Variants in LYPD6 observed in about 807,000 individuals in gnomAD.
LYPD6 encodes LY6/PLAUR domain containing 6, also known as ly6/PLAUR domain-containing protein 6.
Under a neutral mutation model 22.7 loss-of-function variants are expected in LYPD6, and 15 were observed. The observed-to-expected ratio is 0.66, with a 90% CI of 0.44 to 1.02. The LOEUF is 1.02. Ranked by LOEUF, LYPD6 falls within the 50% of genes least tolerant of loss-of-function variation. The probability of loss-of-function intolerance (pLI) is 0.00; values close to 1 mark genes in which losing one functional copy is unlikely to be tolerated. For missense variants in LYPD6, 189 were observed against 208.4 expected (o/e 0.91, Z 0.57); for synonymous variants, 72 against 77.5 (o/e 0.93, Z 0.37).
intron 3 of LYPD6, among the ~76,000 whole-genome samples, chr2:149,450,610 A>T (rs759405445): frequency 6.6e-6 from 1 of 152,178 alleles, no homozygotes; most frequent in Non-Finnish European, 1.5e-5. Flanking sequence ...CGTCTGAGTA[A>T]TCGAAAATAA....
At chr2:149,382,243 T>G (rs1204933790) in intron 1 of LYPD6, among the ~76,000 whole-genome samples, 1 of 152,194 alleles carries the variant, frequency 6.6e-6, no homozygotes. Context: ...GTGCAAAGTA[T>G]TATCATAAAT....
intron 1 of LYPD6, among the ~76,000 whole-genome samples, chr2:149,406,175 A>T (rs534871659): frequency 1.3e-5 from 2 of 149,698 alleles, no homozygotes; most frequent in Non-Finnish European, 3.0e-5. Flanking sequence ...ATTTTGGAAT[A>T]GGTGTGGTGT....
intron 1 of LYPD6, among the ~76,000 whole-genome samples, chr2:149,402,305 G>A (rs1682577055): frequency 6.6e-6 from 1 of 151,866 alleles, no homozygotes; most frequent in African/African-American, 2.4e-5. Context: ...CATTTGGGCT[G>A]GTTCCATATT....
chr2:149,437,812 A>G lies in LYPD6; in HGVS notation c.104A>G (p.Tyr35Cys). The stretch of plus-strand genomic sequence containing the variant: ...GACTTCACAGTGAAAGACATTATCT[A>G]CCTCCATCCTTCAAGTAAGACTGTT... ...SRDFTVKDII[Y>C]LHPSTTPYPG... is the part of the protein sequence containing the mutation. The change falls in exon 2 of 5, where the codon TAC (tyrosine) becomes TGC (cysteine). Residue 35 changes from tyrosine (Y) to cysteine (C), a missense_variant. Tyr to Cys is a radical substitution (Grantham distance 194, BLOSUM62 -2). Transcript: ENST00000334166. 1.2e-6 allele frequency: 2 copies of G among 1,614,108 alleles called. No individual in the cohort carries two copies. The highest frequency in any genetic ancestry group is 1.7e-6 in the Non-Finnish European group (2 of 1,179,980).
At chr2:149,381,871 T>C (rs1411997208) in intron 1 of LYPD6, among the ~76,000 whole-genome samples, 1 of 152,188 alleles carries the variant, frequency 6.6e-6, no homozygotes, top group African/African-American at 2.4e-5. Context: ...TAGAATTCTT[T>C]CCTTCTGTTA....
intron 1 of LYPD6, among the ~76,000 whole-genome samples, chr2:149,350,888 A>G (rs1018547117): frequency 1.6e-4 from 24 of 152,232 alleles, no homozygotes; most frequent in Admixed American, 1.3e-3. Flanking sequence ...CCTTTCTGCC[A>G]TCCTGGTGAG....
chr2:149,400,554 G>C (rs1682531076), intron 1 of LYPD6, among the ~76,000 whole-genome samples: 1 of 152,182 alleles, frequency 6.6e-6, no homozygotes, highest in Non-Finnish European at 1.5e-5. Context: ...AACTTTTTTG[G>C]AGGAAACTGC....
At chr2:149,440,281 A>G (rs1420500749) in intron 2 of LYPD6, 1 of 155,934 alleles carries the variant, frequency 6.4e-6, no homozygotes, top group African/African-American at 2.4e-5. Flanking sequence ...GAACTTACTT[A>G]AAGAGCCATA....
chr2:149,418,698 G>A (rs2105130143), intron 1 of LYPD6, among the ~76,000 whole-genome samples: 1 of 152,286 alleles, frequency 6.6e-6, no homozygotes, highest in Non-Finnish European at 1.5e-5. Flanking sequence ...TTGGCCAGTT[G>A]GCAAAGTGCG....
chr2:149,481,427 T>C, the LYPD6 span, among the ~76,000 whole-genome samples: 82 of 152,372 alleles, frequency 5.4e-4, no homozygotes, highest in Non-Finnish European at 8.1e-4. Flanking sequence ...TTGAGTGCTA[T>C]GAGAATGGAC....
At chr2:149,332,078 A>C (rs557799474) in intron 1 of LYPD6, among the ~76,000 whole-genome samples, 1 of 152,398 alleles carries the variant, frequency 6.6e-6, no homozygotes, top group African/African-American at 2.4e-5. Flanking sequence ...ATCGCCCATG[A>C]AATGGGTTAA....
intron 1 of LYPD6, among the ~76,000 whole-genome samples, chr2:149,371,831 G>A (rs371773303): frequency 6.6e-6 from 1 of 152,142 alleles, no homozygotes; most frequent in East Asian, 1.9e-4. Context: ...CTTTGCTGGA[G>A]TGTCCATAGT....
intron 1 of LYPD6, among the ~76,000 whole-genome samples, chr2:149,421,670 AT>A (rs942838886): frequency 2.6e-5 from 4 of 152,106 alleles, no homozygotes; most frequent in African/African-American, 9.7e-5. Flanking sequence ...TAACCAATGT[AT>A]TTTATTTGAA....
intron 1 of LYPD6, among the ~76,000 whole-genome samples, chr2:149,399,950 A>G (rs1390137290): frequency 6.6e-6 from 1 of 152,182 alleles, no homozygotes; most frequent in African/African-American, 2.4e-5. Flanking sequence ...AAAACACAGC[A>G]TTGGCAAAGC....
downstream of LYPD6, among the ~76,000 whole-genome samples, chr2:149,475,438 A>T (rs78452134): frequency 1.1e-3 from 162 of 152,262 alleles, no homozygotes; most frequent in East Asian, 0.014. Flanking sequence ...TGATTTTTTT[A>T]AAAAAATATA....
At chr2:149,436,872 C>T (rs1170924277) in intron 1 of LYPD6, among the ~76,000 whole-genome samples, 2 of 152,064 alleles carry the variant, frequency 1.3e-5, no homozygotes, top group Admixed American at 6.5e-5. Context: ...TGAGCCACTA[C>T]GCCCATCCAA....
At chr2:149,396,289 A>G (rs186615404) in intron 1 of LYPD6, among the ~76,000 whole-genome samples, 2 of 151,168 alleles carry the variant, frequency 1.3e-5, no homozygotes, top group East Asian at 3.9e-4. Flanking sequence ...TAACTGGTCT[A>G]TTCAATTTTC....
chr2:149,463,557 A>G (rs1681133849), intron 3 of LYPD6, among the ~76,000 whole-genome samples: 1 of 152,218 alleles, frequency 6.6e-6, no homozygotes, highest in Admixed American at 6.5e-5. Flanking sequence ...GTAAAAAGTT[A>G]TATTCACACA....
intron 1 of LYPD6, among the ~76,000 whole-genome samples, chr2:149,404,017 A>G (rs1682629207): frequency 6.6e-6 from 1 of 152,006 alleles, no homozygotes; most frequent in Non-Finnish European, 1.5e-5. Flanking sequence ...TATTTTTCCC[A>G]GGTTTGTCAA....
Sources: gnomAD v4.1 joint callset for allele counts (sites outside exome capture counted in the v4.1 genomes callset) on GRCh38, gnomAD v4.1.1 for gene constraint, MANE v1.5 for transcripts, NCBI Gene and HGNC (gene_info 2026-07-23, HGNC 2026-07-21) for gene names.